Variants in NRG1 observed in about 807,000 individuals in gnomAD.
The protein encoded by NRG1 is neuregulin 1, also known as pro-neuregulin-1, membrane-bound isoform.
A neutral mutation model predicts 63.8 loss-of-function variants in NRG1; 18 were observed. That is an observed-to-expected ratio of 0.28 (90% CI 0.19 to 0.42). The LOEUF is 0.42. Ranked by LOEUF, NRG1 falls within the 10% of genes least tolerant of loss-of-function variation. The pLI is 1.00. For synonymous variants in NRG1, 302 were observed against 301.3 expected (o/e 1.00, Z -0.02); for missense variants, 762 against 814.7 (o/e 0.94, Z 0.79).
At chr8:32,411,833 G>A (rs777379891) in intron 1 of NRG1, among the ~76,000 whole-genome samples, 1 of 152,120 alleles carries the variant, frequency 6.6e-6, no homozygotes, top group Non-Finnish European at 1.5e-5. Flanking sequence ...CTTTGATCTA[G>A]CCATCTTATT....
chr8:32,328,195 G>C (rs1165330745), intron 1 of NRG1, among the ~76,000 whole-genome samples: 1 of 152,102 alleles, frequency 6.6e-6, no homozygotes. Flanking sequence ...CTGTGAGGGT[G>C]TGTGACTCAG....
At chr8:31,923,120 T>C (rs577029073) in intron 1 of NRG1, among the ~76,000 whole-genome samples, 2 of 152,222 alleles carry the variant, frequency 1.3e-5, no homozygotes, top group Admixed American at 6.5e-5. Context: ...TATGATGTTT[T>C]AGTCTCTCTT....
intron 1 of NRG1, among the ~76,000 whole-genome samples, chr8:32,439,815 G>A (rs1819295562): frequency 6.7e-6 from 1 of 149,446 alleles, no homozygotes; most frequent in East Asian, 2.0e-4. Flanking sequence ...CTATGGCCCA[G>A]GCTGGAGTAC....
At chr8:32,128,363 G>A (rs1347983659) in intron 1 of NRG1, among the ~76,000 whole-genome samples, 2 of 151,938 alleles carry the variant, frequency 1.3e-5, no homozygotes, top group Non-Finnish European at 2.9e-5. Flanking sequence ...ATATAATGGA[G>A]TGCACACATG....
At chr8:32,104,617 C>T (rs1444145095) in intron 1 of NRG1, among the ~76,000 whole-genome samples, 2 of 152,050 alleles carry the variant, frequency 1.3e-5, no homozygotes, top group African/African-American at 4.8e-5. Context: ...ACACATTGTA[C>T]AGCTGTATAA....
chr8:31,747,982 T>G (rs1421205021), intron 1 of NRG1, among the ~76,000 whole-genome samples: 2 of 152,008 alleles, frequency 1.3e-5, no homozygotes, highest in Non-Finnish European at 2.9e-5. Flanking sequence ...ATTTATTGTC[T>G]TGACTTCAAT....
At chr8:31,781,875 G>A (rs752228957) in intron 1 of NRG1, among the ~76,000 whole-genome samples, 2 of 151,992 alleles carry the variant, frequency 1.3e-5, no homozygotes, top group African/African-American at 2.4e-5. Flanking sequence ...GCTTTCTGAT[G>A]GGAGTAAGTT....
Position 32,647,393 on chromosome 8 carries a change from A to G in NRG1, c.502+30508A>G, listed in dbSNP as rs747983388. The stretch of plus-strand genomic sequence containing the variant: ...GTTTGGGCTACTGGTTTACTTAATT[A>G]ATCAGCCGGCAGCTCCGTCGATCTA... On this transcript the variant is annotated intron_variant, in intron 5 of 11. Transcript: ENST00000356819. 6.1e-6 allele frequency: 6 copies of G among 985,138 alleles called. No individual in the cohort carries two copies. In the Admixed American group the frequency reaches 2.5e-4, roughly 40 times the overall value. 61.0% of individuals were successfully genotyped at this position (985,138 alleles called of 1,614,324 possible).
intron 1 of NRG1, among the ~76,000 whole-genome samples, chr8:31,683,614 T>C (rs949830544): frequency 2.0e-5 from 3 of 152,150 alleles, no homozygotes; most frequent in African/African-American, 4.8e-5. Flanking sequence ...TCTGAAATGA[T>C]GGATGCATGT....
At chr8:31,644,294 G>A (rs77709205) in intron 1 of NRG1, among the ~76,000 whole-genome samples, 2,798 of 152,030 alleles carry the variant, frequency 0.018, 93 homozygotes, top group African/African-American at 0.063. Context: ...AATCTATACC[G>A]GATTTAAAAT....
intron 1 of NRG1, among the ~76,000 whole-genome samples, chr8:32,105,066 G>A (rs183733351): frequency 8.3e-4 from 126 of 152,230 alleles, no homozygotes; most frequent in Admixed American, 1.6e-3. Context: ...CATACAAGTG[G>A]TAGTGCAGTA....
intron 1 of NRG1, among the ~76,000 whole-genome samples, chr8:32,536,063 C>T (rs1357102903): frequency 6.6e-6 from 1 of 152,140 alleles, no homozygotes; most frequent in Non-Finnish European, 1.5e-5. Flanking sequence ...AACACATTGC[C>T]CAATGCAATT....
At chr8:32,202,547 G>A (rs990901450) in intron 1 of NRG1, among the ~76,000 whole-genome samples, 2 of 152,126 alleles carry the variant, frequency 1.3e-5, no homozygotes, top group African/African-American at 2.4e-5. Flanking sequence ...CCCATACCCA[G>A]TGTGTCCTGA....
intron 1 of NRG1, among the ~76,000 whole-genome samples, chr8:31,888,052 T>A (rs1010409510): frequency 1.3e-5 from 2 of 151,754 alleles, no homozygotes; most frequent in East Asian, 3.9e-4. Flanking sequence ...TCAATATATA[T>A]TATACATGTA....
chr8:32,013,756 GGAACAGA>G (rs1360744004), intron 1 of NRG1, among the ~76,000 whole-genome samples: 4 of 152,088 alleles, frequency 2.6e-5, no homozygotes, highest in Non-Finnish European at 5.9e-5. Context: ...ATCTTTGAGG[GGAACAGA>G]GAAAAGAGAG....
At chr8:32,767,965 G>A (rs1039979105), downstream of NRG1, 2 of 152,136 alleles carry the variant, frequency 1.3e-5, no homozygotes, top group African/African-American at 4.8e-5. Context: ...GGAGACCTGG[G>A]AGTGTTGCTC....
intron 1 of NRG1, among the ~76,000 whole-genome samples, chr8:31,800,177 T>C (rs916042332): frequency 6.6e-6 from 1 of 152,196 alleles, no homozygotes; most frequent in Admixed American, 6.5e-5. Flanking sequence ...ACAACCCTAC[T>C]ACATGATCAT....
intron 1 of NRG1, among the ~76,000 whole-genome samples, chr8:32,323,349 C>T (rs1263957704): frequency 6.6e-6 from 1 of 151,926 alleles, no homozygotes; most frequent in Non-Finnish European, 1.5e-5. Context: ...CTGTTGATAC[C>T]AACATGAATC....
chr8:31,983,438 T>C (rs1586252822), intron 1 of NRG1, among the ~76,000 whole-genome samples: 1 of 152,008 alleles, frequency 6.6e-6, no homozygotes, highest in Non-Finnish European at 1.5e-5. Context: ...AGTGCAGTGG[T>C]GTGTGATTAT....
Sources: gnomAD v4.1 joint callset for allele counts (sites outside exome capture counted in the v4.1 genomes callset) on GRCh38, gnomAD v4.1.1 for gene constraint, MANE v1.5 for transcripts, NCBI Gene and HGNC (gene_info 2026-07-23, HGNC 2026-07-21) for gene names.